ARHGAP42: variants seen among roughly 807,000 people sequenced by gnomAD.
ARHGAP42 encodes Rho GTPase activating protein 42.
In ARHGAP42, 63 loss-of-function variants were observed where a neutral mutation model predicts 125.0. The ratio of observed to expected loss-of-function variants is 0.50; its 90% CI spans 0.41 to 0.62. The LOEUF (loss-of-function observed/expected upper bound fraction) is 0.62. Among genes scored for constraint, ARHGAP42 ranks in the 20% least tolerant of loss-of-function variants. ARHGAP42 has a pLI of 0.00. For synonymous variants in ARHGAP42, 339 were observed against 351.0 expected (o/e 0.97, Z 0.38); for missense variants, 766 against 1,024.2 (o/e 0.75, Z 3.44).
intron 10 of ARHGAP42, among the ~76,000 whole-genome samples, chr11:100,945,385 G>C (rs1367753054): frequency 6.6e-6 from 1 of 152,000 alleles, no homozygotes; most frequent in Non-Finnish European, 1.5e-5. Context: ...TCCCACGAGG[G>C]ACAAATGTTC....
At chr11:100,818,570 T>C (rs2135071911) in intron 3 of ARHGAP42, among the ~76,000 whole-genome samples, 1 of 151,892 alleles carries the variant, frequency 6.6e-6, no homozygotes, top group African/African-American at 2.4e-5. Context: ...GAGAAGGAAA[T>C]GCCAGGGAGA....
At chr11:100,744,976 C>T (rs1862268595) in intron 1 of ARHGAP42, among the ~76,000 whole-genome samples, 1 of 152,066 alleles carries the variant, frequency 6.6e-6, no homozygotes, top group African/African-American at 2.4e-5. Flanking sequence ...CCCCTATTGG[C>T]TAAGGTTAGA....
chr11:100,775,695 G>A (rs892025463), intron 2 of ARHGAP42, among the ~76,000 whole-genome samples: 1 of 152,180 alleles, frequency 6.6e-6, no homozygotes, highest in Admixed American at 6.5e-5. Flanking sequence ...GCACATTAGT[G>A]TATAGGATAA....
intron 2 of ARHGAP42, among the ~76,000 whole-genome samples, chr11:100,782,106 T>C (rs1411770431): frequency 1.3e-5 from 2 of 152,216 alleles, no homozygotes; most frequent in African/African-American, 4.8e-5. Flanking sequence ...CAGGATGTGA[T>C]ATCCTCTTAG....
intron 9 of ARHGAP42, among the ~76,000 whole-genome samples, chr11:100,942,289 A>C (rs1045462430): frequency 1.3e-5 from 2 of 152,154 alleles, no homozygotes; most frequent in Admixed American, 1.3e-4. Flanking sequence ...TTGCCCCTGC[A>C]TGCCTTGTCC....
At chr11:100,855,959 T>C (rs894762870) in intron 3 of ARHGAP42, among the ~76,000 whole-genome samples, 9 of 152,102 alleles carry the variant, frequency 5.9e-5, no homozygotes, top group East Asian at 1.9e-4. Context: ...GTATCTTCAA[T>C]AATTTATCTT....
chr11:100,771,747 C>T (rs535877042), intron 2 of ARHGAP42, among the ~76,000 whole-genome samples: 4 of 152,136 alleles, frequency 2.6e-5, no homozygotes, highest in Non-Finnish European at 4.4e-5. Flanking sequence ...TACAGGCACC[C>T]GCCACCATGC....
chr11:100,988,663 T>C, intron 23 of ARHGAP42, 50 bp from the exon 24 acceptor site: 1 of 1,426,276 alleles, frequency 7.0e-7, no homozygotes, highest in Non-Finnish European at 9.6e-7. Flanking sequence ...TTTATATAAT[T>C]ATTTGACACT....
intron 4 of ARHGAP42, among the ~76,000 whole-genome samples, chr11:100,895,052 T>C (rs910940785): frequency 4.6e-5 from 7 of 152,174 alleles, no homozygotes; most frequent in African/African-American, 1.4e-4. Context: ...TTACCTATAC[T>C]CCACTCAATT....
intron 19 of ARHGAP42, among the ~76,000 whole-genome samples, chr11:100,975,501 A>T (rs1858366692): frequency 6.6e-6 from 1 of 152,210 alleles, no homozygotes; most frequent in Admixed American, 6.5e-5. Flanking sequence ...ACATTTCTAT[A>T]TTCTTAGCAG....
chr11:100,992,787 A>G lies in ARHGAP42; in HGVS notation c.*3986A>G, dbSNP rs934183138. On this transcript the variant is annotated 3_prime_UTR_variant, in exon 24 of 24. Transcript: ENST00000298815. ...CACTGTTTTAAATAAAGAATCTTAC[A>G]TAAGAATGTTGACAACATTCACAGT... 13 of 1,416,502 alleles carry G rather than the reference A, an allele frequency of 9.2e-6. No homozygotes were observed. In the African/African-American group the frequency reaches 1.4e-4, roughly 16 times the overall value. 87.7% of individuals were successfully genotyped at this position (1,416,502 alleles called of 1,614,324 possible). A position where few individuals can be genotyped will look rare whatever the true frequency, so the allele number is the denominator to read the frequency against.
chr11:100,901,028 T>A (rs942913370), intron 4 of ARHGAP42, among the ~76,000 whole-genome samples: 2 of 152,222 alleles, frequency 1.3e-5, no homozygotes, highest in Non-Finnish European at 2.9e-5. Flanking sequence ...TCTGTGGTTT[T>A]ATCTGCCTTT....
At chr11:100,907,190 G>C (rs1866760780) in intron 4 of ARHGAP42, among the ~76,000 whole-genome samples, 1 of 152,158 alleles carries the variant, frequency 6.6e-6, no homozygotes, top group Non-Finnish European at 1.5e-5. Flanking sequence ...CTGATATAAT[G>C]TAATATCTCA....
chr11:100,959,837 G>A (rs1368240142), intron 12 of ARHGAP42, 46 bp from the exon 13 acceptor site: 15 of 1,518,916 alleles, frequency 9.9e-6, no homozygotes, highest in Non-Finnish European at 1.3e-5. Flanking sequence ...AAGGGGGAAT[G>A]TGAGTTCAGC....
intron 1 of ARHGAP42, among the ~76,000 whole-genome samples, chr11:100,735,472 G>A (rs559405480): frequency 1.3e-5 from 2 of 152,104 alleles, no homozygotes; most frequent in East Asian, 3.9e-4. Context: ...ATAGGAAATA[G>A]GAATAGGAAA....
chr11:100,841,790 T>C (rs558599176), intron 3 of ARHGAP42, among the ~76,000 whole-genome samples: 9 of 152,322 alleles, frequency 5.9e-5, no homozygotes, highest in Admixed American at 5.2e-4. Flanking sequence ...TTGTAAGTAA[T>C]GCTGGAGTTC....
At chr11:100,885,434 CAA>C (rs1866067139) in intron 4 of ARHGAP42, among the ~76,000 whole-genome samples, 1 of 152,150 alleles carries the variant, frequency 6.6e-6, no homozygotes, top group Non-Finnish European at 1.5e-5. Flanking sequence ...TTGTGCAAAG[CAA>C]AGAGTCAAAT....
chr11:100,863,452 TA>T (rs1241287990), intron 4 of ARHGAP42, among the ~76,000 whole-genome samples: 3 of 152,182 alleles, frequency 2.0e-5, no homozygotes, highest in East Asian at 1.9e-4. Flanking sequence ...TGATACTACT[TA>T]ACTGCAGTGG....
intron 13 of ARHGAP42, 74 bp downstream of exon 13, chr11:100,960,019 A>G: frequency 7.7e-7 from 1 of 1,296,984 alleles, no homozygotes; most frequent in East Asian, 2.5e-5. Context: ...CAGAGTAGAT[A>G]AATCATTGAA....
Sources: allele counts gnomAD v4.1 joint callset (sites outside exome capture counted in the v4.1 genomes callset), GRCh38; gene constraint gnomAD v4.1.1; transcripts MANE v1.5; gene names NCBI Gene and HGNC (gene_info 2026-07-23, HGNC 2026-07-21).